LINGO2: variants seen among roughly 807,000 people sequenced by gnomAD.
LINGO2 encodes leucine-rich repeat and immunoglobulin-like domain-containing nogo receptor-interacting protein 2.
Under a neutral mutation model 30.6 loss-of-function variants are expected in LINGO2, and 14 were observed. The observed-to-expected ratio is 0.46, with a 90% confidence interval of 0.30 to 0.72. The LOEUF (loss-of-function observed/expected upper bound fraction) is 0.72, where lower values mean the gene tolerates loss of function less well. Among genes scored for constraint, LINGO2 ranks in the 30% least tolerant of loss-of-function variants. The pLI, the probability that LINGO2 is intolerant of heterozygous loss-of-function variation, is 0.07. For missense variants in LINGO2, 729 were observed against 751.7 expected (o/e 0.97, Z 0.35); for synonymous variants, 317 against 288.5 (o/e 1.10, Z -1.00).
chr9:28,879,326 T>C, the LINGO2 span, among the ~76,000 whole-genome samples: 1 of 152,184 alleles, frequency 6.6e-6, no homozygotes, highest in Non-Finnish European at 1.5e-5. Flanking sequence ...TAATATGTAG[T>C]AGCACTGAAC....
chr9:28,025,762 C>G (rs561813045), intron 4 of LINGO2, among the ~76,000 whole-genome samples: 2 of 152,282 alleles, frequency 1.3e-5, no homozygotes, highest in Middle Eastern at 3.4e-3. Flanking sequence ...GGGTAGGCTT[C>G]CCATCCAGAA....
chr9:28,152,634 C>G (rs1193117641), intron 4 of LINGO2, among the ~76,000 whole-genome samples: 1 of 152,068 alleles, frequency 6.6e-6, no homozygotes, highest in East Asian at 1.9e-4. Context: ...GGAAAAATAG[C>G]TATTTGCTAA....
At chr9:28,892,482 C>T in the LINGO2 span, among the ~76,000 whole-genome samples, 1 of 151,884 alleles carries the variant, frequency 6.6e-6, no homozygotes, top group Non-Finnish European at 1.5e-5. Context: ...GATTTCTGAC[C>T]AGCTATAGCC....
chr9:28,877,795 A>C, the LINGO2 span, among the ~76,000 whole-genome samples: 35 of 152,264 alleles, frequency 2.3e-4, no homozygotes, highest in South Asian at 1.0e-3. Context: ...GAAGAAAGTC[A>C]TTGGTAGCTT....
intron 1 of LINGO2, among the ~76,000 whole-genome samples, chr9:28,492,903 A>T (rs1233607972): frequency 6.6e-6 from 1 of 152,164 alleles, no homozygotes; most frequent in Admixed American, 6.6e-5. Context: ...CTGAGCAATT[A>T]TCCTAAAAGC....
chr9:28,087,727 G>A (rs898339857), intron 4 of LINGO2, among the ~76,000 whole-genome samples: 1 of 151,900 alleles, frequency 6.6e-6, no homozygotes, highest in African/African-American at 2.4e-5. Flanking sequence ...GTACACCAGT[G>A]GCCCTTACCT....
the LINGO2 span, among the ~76,000 whole-genome samples, chr9:28,700,630 T>C: frequency 6.6e-6 from 1 of 152,226 alleles, no homozygotes; most frequent in South Asian, 2.1e-4. Context: ...TGTGTATGCG[T>C]ATGTACAAAG....
intron 3 of LINGO2, among the ~76,000 whole-genome samples, chr9:28,359,655 G>A (rs796729941): frequency 6.6e-6 from 1 of 152,120 alleles, no homozygotes. Flanking sequence ...CAAATAAGCA[G>A]CTGTTTTTTC....
At chr9:28,787,321 T>G in the LINGO2 span, among the ~76,000 whole-genome samples, 1 of 152,148 alleles carries the variant, frequency 6.6e-6, no homozygotes, top group South Asian at 2.1e-4. Context: ...GATATTATAT[T>G]CGATAAGACA....
chr9:28,502,778 AC>A (rs1193332056), intron 1 of LINGO2, among the ~76,000 whole-genome samples: 8 of 152,258 alleles, frequency 5.3e-5, no homozygotes, highest in Middle Eastern at 3.4e-3. Flanking sequence ...TAAATATAGC[AC>A]TAAAAACATT....
chr9:28,602,308 AC>A (rs1319145597), intron 1 of LINGO2, among the ~76,000 whole-genome samples: 7 of 148,760 alleles, frequency 4.7e-5, no homozygotes, highest in African/African-American at 1.8e-4. Context: ...GCAAATAGAA[AC>A]AAACAAACAA....
chr9:28,745,901 A>T, the LINGO2 span, among the ~76,000 whole-genome samples: 1 of 152,086 alleles, frequency 6.6e-6, no homozygotes, highest in South Asian at 2.1e-4. Flanking sequence ...AGTTCTTGTC[A>T]GCATTAATAT....
the LINGO2 span, among the ~76,000 whole-genome samples, chr9:28,691,585 A>T: frequency 1.3e-5 from 2 of 152,144 alleles, no homozygotes; most frequent in African/African-American, 4.8e-5. Context: ...GAGAAAAAAA[A>T]ATTGCCTCTT....
At chr9:28,756,334 G>T in the LINGO2 span, among the ~76,000 whole-genome samples, 1 of 151,966 alleles carries the variant, frequency 6.6e-6, no homozygotes, top group Non-Finnish European at 1.5e-5. Context: ...TTAACCCAAT[G>T]CCTGTACCCT....
intron 4 of LINGO2, among the ~76,000 whole-genome samples, chr9:28,032,589 CAT>C (rs1290669809): frequency 1.3e-5 from 2 of 152,196 alleles, no homozygotes; most frequent in African/African-American, 4.8e-5. Context: ...AAGGAGGCAA[CAT>C]AAATGTTTTT....
chr9:28,082,003 C>T (rs1869173), intron 4 of LINGO2, among the ~76,000 whole-genome samples: 60,789 of 151,952 alleles, frequency 0.4, 12,440 homozygotes, highest in East Asian at 0.66. Flanking sequence ...AAGGTACTGT[C>T]TTCTGATTAC....
chr9:28,347,541 A>G (rs1819638926), intron 3 of LINGO2, among the ~76,000 whole-genome samples: 1 of 152,196 alleles, frequency 6.6e-6, no homozygotes, highest in Admixed American at 6.5e-5. Flanking sequence ...ATATTTAGTG[A>G]CAGTCTCCTC....
At chr9:29,127,437 G>A in the LINGO2 span, among the ~76,000 whole-genome samples, 1 of 151,844 alleles carries the variant, frequency 6.6e-6, no homozygotes, top group Admixed American at 6.6e-5. Flanking sequence ...TCCATACAGG[G>A]GAACTCTTTT....
chr9:28,062,092 A>G (rs1423383608), intron 4 of LINGO2, among the ~76,000 whole-genome samples: 1 of 152,108 alleles, frequency 6.6e-6, no homozygotes, highest in African/African-American at 2.4e-5. Context: ...TTAGGTCCAG[A>G]TATTTCAGCA....
Sources: gnomAD v4.1 joint callset for allele counts (sites outside exome capture counted in the v4.1 genomes callset) on GRCh38, gnomAD v4.1.1 for gene constraint, MANE v1.5 for transcripts, NCBI Gene and HGNC (gene_info 2026-07-23, HGNC 2026-07-21) for gene names.